SPATA22: variants seen among roughly 807,000 people sequenced by gnomAD.
The protein encoded by SPATA22 is spermatogenesis associated 22.
SPATA22 carries 29 observed loss-of-function variants against 47.8 expected under a neutral mutation model. The ratio of observed to expected loss-of-function variants is 0.61; its 90% confidence interval spans 0.45 to 0.83. The LOEUF is 0.83. Among genes scored for constraint, SPATA22 ranks in the 40% least tolerant of loss-of-function variants. The probability of loss-of-function intolerance (pLI) is 0.00; values close to 1 mark genes in which losing one functional copy is unlikely to be tolerated. For synonymous variants in SPATA22, 133 were observed against 140.9 expected, an observed-to-expected ratio of 0.94 and a Z score of 0.40; for missense variants, 410 against 421.7, an observed-to-expected ratio of 0.97 and a Z score of 0.24.
upstream of SPATA22, chr17:3,471,874 C>T (rs2073446954): frequency 2.0e-6 from 2 of 985,492 alleles, no homozygotes; most frequent in Non-Finnish European, 2.4e-6. Context: ...CACCTCGGCG[C>T]GATGGCATCT....
rs2131517 is a variant in SPATA22 at position 3,488,156 on chromosome 17, T to A, written c.-73-18758A>T. On this transcript the variant is annotated intron_variant, in intron 1 of 8. Transcript: ENST00000541913. The surrounding 1 kb of genome is among the most constrained non-coding windows in gnomAD (Gnocchi z 6.1). The stretch of plus-strand genomic sequence containing the variant: ...ATGAGGGTAGTGCAGTTGGGGTAAA[T>A]GGTTTGCCAAATAGAGAAGGTGATG... Among the ~76,000 whole-genome samples, 30,073 of 152,004 alleles carry A rather than the reference T, an allele frequency of 0.2. 3,588 individuals are homozygous for A. Among genetic ancestry groups the A allele is most frequent in the East Asian group, 0.46 (2,355 of 5,138 alleles).
At chr17:3,473,054 G>C (rs146188736), upstream of SPATA22, among the ~76,000 whole-genome samples, 13 of 149,518 alleles carry the variant, frequency 8.7e-5, no homozygotes, top group East Asian at 2.5e-3. Flanking sequence ...ATCTACATAC[G>C]GATGTGCATA....
chr17:3,471,838 G>A (rs115184036), upstream of SPATA22: 4,843 of 985,078 alleles, frequency 4.9e-3, 171 homozygotes, highest in African/African-American at 0.079. Flanking sequence ...CGCAGGCGCC[G>A]TGGACCGCGC....
chr17:3,470,515 C>T (rs1397126543), intron 1 of SPATA22, among the ~76,000 whole-genome samples: 1 of 151,790 alleles, frequency 6.6e-6, no homozygotes, highest in African/African-American at 2.4e-5. Flanking sequence ...TTTGGGAGGC[C>T]GAGACGGGCG....
intron 1 of SPATA22, among the ~76,000 whole-genome samples, chr17:3,505,716 A>G (rs2074034112): frequency 6.6e-6 from 1 of 151,432 alleles, no homozygotes; most frequent in East Asian, 1.9e-4. Context: ...TCTGGAGGGA[A>G]ATAGCTGCTT....
chr17:3,448,837 C>T lies in SPATA22; in HGVS notation c.642G>A (p.Leu214=), dbSNP rs142224518. ...GGGTGTTGTCTTCTGGAATATCATC[C>T]AACATTTGTTTCTTATATTGATTTT... ...FQQNQYKKQM[L]DDIPEDNTLK... The change falls in exon 6 of 9, where the codon TTG becomes TTA. Residue 214 remains leucine, a synonymous_variant. Coordinates refer to ENST00000572969, the MANE Select transcript of SPATA22 (RefSeq NM_001170698.2). 413 of 1,608,226 alleles carry T rather than the reference C, an allele frequency of 2.6e-4. No individual in the cohort carries two copies. In the Middle Eastern group the frequency reaches 3.8e-3, roughly 15 times the overall value.
At chr17:3,447,345 G>T (rs1427108019) in intron 6 of SPATA22, among the ~76,000 whole-genome samples, 2 of 152,264 alleles carry the variant, frequency 1.3e-5, no homozygotes, top group African/African-American at 4.8e-5. Context: ...GCTTTCCTTT[G>T]TGAGGGTGAG....
chr17:3,495,545 T>C (rs892487748), intron 1 of SPATA22, among the ~76,000 whole-genome samples: 2 of 150,456 alleles, frequency 1.3e-5, no homozygotes, highest in Admixed American at 6.6e-5. Flanking sequence ...CCTTAGGCAG[T>C]GTTTGTTTTT....
At chr17:3,506,986 A>AAAAG (rs1567623630) in intron 1 of SPATA22, among the ~76,000 whole-genome samples, 1 of 140,838 alleles carries the variant, frequency 7.1e-6, no homozygotes, top group African/African-American at 2.8e-5. Flanking sequence ...GAAGGAAAAG[A>AAAAG]GAAGGAAGGG....
chr17:3,498,165 G>A (rs1417798342), intron 1 of SPATA22, among the ~76,000 whole-genome samples: 2 of 151,982 alleles, frequency 1.3e-5, no homozygotes, highest in Non-Finnish European at 2.9e-5. Flanking sequence ...ATTTCCCAAC[G>A]GTAGAATGTC....
At chr17:3,512,317 G>C (rs2074123551) in intron 1 of SPATA22, 1 of 13,616 alleles carries the variant, frequency 7.3e-5, no homozygotes, top group Non-Finnish European at 5.3e-3. Flanking sequence ...GCTGTGGATT[G>C]TGAAGCCTCA....
intron 1 of SPATA22, chr17:3,498,863 T>C: frequency 6.7e-7 from 1 of 1,486,518 alleles, no homozygotes. Flanking sequence ...CCAAATATAA[T>C]ATATTTATTT....
chr17:3,465,154 T>TG (rs779866163), intron 3 of SPATA22, among the ~76,000 whole-genome samples: 7 of 117,530 alleles, frequency 6.0e-5, no homozygotes, highest in Middle Eastern at 5.3e-3. Flanking sequence ...GGGAGGGAGG[T>TG]GGGGGGGTCA....
intron 1 of SPATA22, among the ~76,000 whole-genome samples, chr17:3,508,074 G>A (rs950333996): frequency 2.0e-5 from 3 of 152,152 alleles, no homozygotes; most frequent in Non-Finnish European, 2.9e-5. Context: ...TCTGAATTAA[G>A]TAAATAATTC....
chr17:3,473,590 C>A (rs990107904), upstream of SPATA22, among the ~76,000 whole-genome samples: 4 of 152,178 alleles, frequency 2.6e-5, no homozygotes, highest in African/African-American at 9.7e-5. Context: ...CCTCCGCCTT[C>A]TAGGTTCAAG....
intron 1 of SPATA22, chr17:3,501,121 T>A (rs1173267058): frequency 1.3e-5 from 2 of 151,566 alleles, no homozygotes. Flanking sequence ...AATCTAACTA[T>A]TTAAGAAATA....
Position 3,448,984 on chromosome 17 carries a change from G to A in SPATA22, c.495C>T (p.Asn165=), listed in dbSNP as rs766880744. 6.2e-7 allele frequency: 1 copy of A among 1,613,900 alleles called. No individual in the cohort carries two copies. Among genetic ancestry groups the A allele is most frequent in the African/African-American group, 1.3e-5 (1 of 74,904 alleles). The part of the protein sequence containing the change: ...QKQLRIPEPP[N]LSRNKETELL... The stretch of plus-strand genomic sequence containing the variant: ...GCTCGGTTTCTTTGTTGCGAGATAA[G>A]TTAGGAGGTTCAGGTATTCTTAATT... Residue 165 remains asparagine (N), a synonymous_variant, in exon 6 of 9, where the codon AAC becomes AAT. Coordinates refer to ENST00000572969, the MANE Select transcript of SPATA22 (RefSeq NM_001170698.2).
intron 1 of SPATA22, among the ~76,000 whole-genome samples, chr17:3,477,158 A>AAAAT (rs1159232162): frequency 2.0e-5 from 3 of 152,134 alleles, no homozygotes; most frequent in African/African-American, 4.8e-5. Flanking sequence ...CCGTCTCAAA[A>AAAAT]AAATAAATAA....
chr17:3,454,124 A>G (rs996519725), intron 5 of SPATA22, among the ~76,000 whole-genome samples: 3 of 151,914 alleles, frequency 2.0e-5, no homozygotes, highest in Non-Finnish European at 4.4e-5. Context: ...CCCATTTACA[A>G]TAACACCAAA....
Sources: gnomAD v4.1 joint callset for allele counts (sites outside exome capture counted in the v4.1 genomes callset) on GRCh38, gnomAD v4.1.1 for gene constraint, Gnocchi (gnomAD v3.1) non-coding constraint, MANE v1.5 for transcripts, NCBI Gene and HGNC (gene_info 2026-07-23, HGNC 2026-07-21) for gene names.